Variants in PRKD3 observed in about 807,000 individuals in gnomAD.
The protein encoded by PRKD3 is protein kinase D3.
Under a neutral mutation model 99.2 loss-of-function variants are expected in PRKD3, and 47 were observed. The observed-to-expected ratio is 0.47, with a 90% CI of 0.38 to 0.60. The LOEUF (loss-of-function observed/expected upper bound fraction) is 0.60. Ranked by LOEUF, PRKD3 falls within the 20% of genes least tolerant of loss-of-function variation. PRKD3 has a pLI of 0.00. For missense variants in PRKD3, 1,019 were observed against 1,088.4 expected, an observed-to-expected ratio of 0.94 and a Z score of 0.90; for synonymous variants, 392 against 355.4, an observed-to-expected ratio of 1.10 and a Z score of -1.16.
In PRKD3 at chr2:37,254,190, A is replaced by T; in HGVS notation, c.2499+14T>A. ...AAATGAGGATTGCCAAAGAGAGATT[A>T]CATTTTTTTTTACCTGTAGCCAGGG... is the stretch of plus-strand genomic sequence containing the variant. On this transcript the variant is annotated intron_variant, in intron 18 of 18. Transcript: ENST00000234179. 5 of 1,579,476 alleles carry T rather than the reference A, an allele frequency of 3.2e-6. No homozygotes were observed. Among genetic ancestry groups the T allele is most frequent in the Non-Finnish European group, 4.4e-6 (5 of 1,148,722 alleles).
rs751017008 is a variant in PRKD3, at chr2:37,272,413, G to T, written c.1671C>A (p.Ile557=). 1.3e-5 allele frequency: 21 copies of T among 1,606,520 alleles called. No individual in the cohort carries two copies. The highest frequency in any genetic ancestry group is 1.7e-5 in the Non-Finnish European group (20 of 1,177,822). ...GKDHKDLSTS[I]SVSNCQIQEN... is the part of the protein sequence containing the mutation. ...CCTGAATCTGACAATTAGATACAGA[G>T]ATACTTGTAGACAAATCTTCTGTAA... Residue 557 remains isoleucine (I), a synonymous_variant, in exon 12 of 19, where the codon ATC becomes ATA. Coordinates refer to ENST00000234179, the MANE Select transcript of PRKD3 (RefSeq NM_005813.6).
At chr2:37,263,727 G>C (rs1668634527) in intron 14 of PRKD3, among the ~76,000 whole-genome samples, 1 of 152,164 alleles carries the variant, frequency 6.6e-6, no homozygotes, top group Non-Finnish European at 1.5e-5. Context: ...GCAGATTTCA[G>C]AAAGAATCAG....
rs1667634348 is a variant in PRKD3, at chr2:37,252,982, C to T, written c.*195G>A. The stretch of plus-strand genomic sequence containing the variant: ...GTTTATAAAAAGCTTCACCTTGATT[C>T]CATTATGACTTCTTATTATTCAGTT... On this transcript the variant is annotated 3_prime_UTR_variant, in exon 19 of 19. Transcript: ENST00000234179. The T allele has an allele frequency of 4.4e-6, 2 of 452,902 alleles. No homozygotes were observed. The highest frequency in any genetic ancestry group is 7.3e-6 in the Non-Finnish European group (2 of 275,160). 28.1% of individuals were successfully genotyped at this position (452,902 alleles called of 1,614,324 possible). A position where few individuals can be genotyped will look rare whatever the true frequency, so the allele number is the denominator to read the frequency against.
At position 37,250,673 on chromosome 2, in the gene PRKD3, T is replaced by C. The variant is rs954320130; in HGVS notation, c.*2504A>G. On this transcript the variant is annotated 3_prime_UTR_variant, in exon 19 of 19. Coordinates refer to ENST00000234179, the MANE Select transcript of PRKD3 (RefSeq NM_005813.6). ...GGTCAAACTTTTCTTTGGATACTTA[T>C]ACTAGAAATAGGCTCAGGTTTTCAC... 6.6e-6 allele frequency: 1 copy of C among 152,206 alleles called. No homozygotes were observed. The highest frequency in any genetic ancestry group is 2.4e-5 in the African/African-American group (1 of 41,464). 9.4% of individuals were successfully genotyped at this position (152,206 alleles called of 1,614,324 possible). A position where few individuals can be genotyped will look rare whatever the true frequency, so the allele number is the denominator to read the frequency against.
chr2:37,265,884 A>C (rs151136267), intron 14 of PRKD3, among the ~76,000 whole-genome samples: 38 of 152,304 alleles, frequency 2.5e-4, no homozygotes, highest in African/African-American at 8.7e-4. Context: ...TCCATAGCTG[A>C]TAAGAGGAAA....
chr2:37,293,271 A>G lies in PRKD3; in HGVS notation c.289T>C (p.Phe97Leu), dbSNP rs1670528326. 1 of 1,589,332 alleles carries G rather than the reference A, an allele frequency of 6.3e-7. No homozygotes were observed. The highest frequency in any genetic ancestry group is 1.7e-5 in the Admixed American group (1 of 59,768). The stretch of plus-strand genomic sequence containing the variant: ...ATGCCAAAGAATCCACACTCTGGAA[A>G]CTGAGGGATAATAGTCCTATATCAG... ...DLVCSIVYQK[F>L]PECGFFGMYD... Residue 97 changes from phenylalanine (F) to leucine (L), a missense_variant and splice_region_variant, in exon 3 of 19, where the codon TTT becomes CTT. Coordinates refer to ENST00000234179, the MANE Select transcript of PRKD3 (RefSeq NM_005813.6).
intron 2 of PRKD3, among the ~76,000 whole-genome samples, chr2:37,302,185 T>C (rs1264899202): frequency 6.6e-6 from 1 of 152,204 alleles, no homozygotes; most frequent in African/African-American, 2.4e-5. Flanking sequence ...TAACTAATGA[T>C]ACAGCATGGT....
chr2:37,321,472 TCCTTCC>T (rs1486979233), intron 1 of PRKD3, among the ~76,000 whole-genome samples: 1 of 152,224 alleles, frequency 6.6e-6, no homozygotes, highest in Admixed American at 6.5e-5. Context: ...CCTCTCCCTC[TCCTTCC>T]CCTTCCCCCA....
At chr2:37,278,208 G>T in intron 8 of PRKD3, 3 of 255,758 alleles carry the variant, frequency 1.2e-5, no homozygotes, top group South Asian at 7.5e-5. Context: ...TGTCATGAAT[G>T]TTTTCTGGAG....
intron 5 of PRKD3, among the ~76,000 whole-genome samples, chr2:37,287,249 A>G (rs1445940177): frequency 5.2e-5 from 7 of 134,502 alleles, no homozygotes; most frequent in Non-Finnish European, 9.9e-5. Flanking sequence ...AAAAAAAAAA[A>G]AAAAAAAAAA....
chr2:37,319,908 C>G (rs530631865), intron 1 of PRKD3, among the ~76,000 whole-genome samples: 5 of 152,034 alleles, frequency 3.3e-5, no homozygotes, highest in Non-Finnish European at 7.4e-5. Context: ...AGAGGGTAGA[C>G]GAAAAATGAA....
At chr2:37,299,558 A>T (rs1485517117) in intron 2 of PRKD3, among the ~76,000 whole-genome samples, 1 of 144,174 alleles carries the variant, frequency 6.9e-6, no homozygotes. Context: ...ACACACACAC[A>T]CAAGCTTCTG....
intron 16 of PRKD3, among the ~76,000 whole-genome samples, chr2:37,258,477 C>G (rs1408860887): frequency 6.6e-6 from 1 of 152,156 alleles, no homozygotes; most frequent in South Asian, 2.1e-4. Flanking sequence ...GCATAAAAAG[C>G]GTATCAAGTA....
At chr2:37,314,634 T>C (rs1207024166) in intron 2 of PRKD3, among the ~76,000 whole-genome samples, 1 of 152,086 alleles carries the variant, frequency 6.6e-6, no homozygotes, top group East Asian at 1.9e-4. Context: ...ATTAAAAAAC[T>C]GTGCAAAAAA....
intron 1 of PRKD3, among the ~76,000 whole-genome samples, chr2:37,319,009 G>A (rs903478646): frequency 6.6e-6 from 1 of 152,042 alleles, no homozygotes; most frequent in Non-Finnish European, 1.5e-5. Flanking sequence ...TGATTATTAG[G>A]CTTCTTAGCT....
At chr2:37,261,280 A>T (rs962701230) in intron 14 of PRKD3, among the ~76,000 whole-genome samples, 1 of 151,900 alleles carries the variant, frequency 6.6e-6, no homozygotes, top group Admixed American at 6.6e-5. Flanking sequence ...TGAGGTCAGG[A>T]GTTCGAGACC....
chr2:37,260,150 TA>T, intron 15 of PRKD3, 72 bp downstream of exon 15: 1 of 1,363,114 alleles, frequency 7.3e-7, no homozygotes, highest in Non-Finnish European at 1.0e-6. Flanking sequence ...GGTGACAGAG[TA>T]AGACTCTTGT....
Position 37,293,132 on chromosome 2 carries a change from C to T in PRKD3, c.427+1G>A. 6.4e-7 allele frequency: 1 copy of T among 1,556,644 alleles called. No individual in the cohort carries two copies. The highest frequency in any genetic ancestry group is 8.8e-7 in the Non-Finnish European group (1 of 1,137,188). On this transcript the variant is annotated splice_donor_variant, in intron 3 of 18. Transcript: ENST00000234179. LOFTEE classifies it high-confidence loss of function. ...ATCACTCTAAAAAGCCACTTACTTA[C>T]CTGAAAGAACCACTTCCACTAGGTC...
chr2:37,254,507 G>T (rs904700515), intron 17 of PRKD3, among the ~76,000 whole-genome samples: 2 of 152,172 alleles, frequency 1.3e-5, no homozygotes, highest in African/African-American at 4.8e-5. Context: ...AGGCAGTATA[G>T]AGTACAGGTT....
Sources: allele counts gnomAD v4.1 joint callset (sites outside exome capture counted in the v4.1 genomes callset), GRCh38; gene constraint gnomAD v4.1.1; transcripts MANE v1.5; gene names NCBI Gene and HGNC (gene_info 2026-07-23, HGNC 2026-07-21).